The following RHBDD1 variants were observed in gnomAD, a reference collection of about 807,000 sequenced individuals.
The protein encoded by RHBDD1 is rhomboid-related protein 4.
RHBDD1 carries 38 observed loss-of-function variants against 36.3 expected under a neutral mutation model. That is an observed-to-expected ratio of 1.05 (90% confidence interval 0.81 to 1.37). The LOEUF (loss-of-function observed/expected upper bound fraction) is 1.37. Among genes scored for constraint, RHBDD1 ranks in the 40% most tolerant of loss-of-function variants. The pLI, the probability that RHBDD1 is intolerant of heterozygous loss-of-function variation, is 0.00. For missense variants in RHBDD1, 393 were observed against 377.6 expected, an observed-to-expected ratio of 1.04 and a Z score of -0.34; for synonymous variants, 151 against 136.5, an observed-to-expected ratio of 1.11 and a Z score of -0.74.
chr2:226,803,956 T>A, the RHBDD1 span: 2 of 152,172 alleles, frequency 1.3e-5, no homozygotes, highest in Non-Finnish European at 2.9e-5. Flanking sequence ...ATACTCTAGG[T>A]GATGCTGATT....
At chr2:226,818,152 ATTTTTTTTT>A in the RHBDD1 span, among the ~76,000 whole-genome samples, 7 of 86,234 alleles carry the variant, frequency 8.1e-5, no homozygotes, top group African/African-American at 3.2e-4. Flanking sequence ...TCCAAACAGT[ATTTTTTTTT>A]TTTTTTTTTT....
the RHBDD1 span, among the ~76,000 whole-genome samples, chr2:226,815,939 G>A: frequency 3.3e-5 from 5 of 152,300 alleles, no homozygotes; most frequent in South Asian, 4.2e-4. Context: ...GAAAATAACA[G>A]AATCTATTTA....
chr2:226,833,313 A>C (rs1940789617), upstream of RHBDD1, among the ~76,000 whole-genome samples: 3 of 152,226 alleles, frequency 2.0e-5, no homozygotes, highest in Admixed American at 1.3e-4. Context: ...TTCTCCCTTA[A>C]AAAGATAATC....
chr2:226,922,246 C>T (rs1321280463), intron 8 of RHBDD1, among the ~76,000 whole-genome samples: 9 of 120,146 alleles, frequency 7.5e-5, no homozygotes, highest in African/African-American at 1.9e-4. Context: ...CTCACTCTGT[C>T]GCCCAGGCTG....
At chr2:226,913,748 G>A (rs767956346) in intron 7 of RHBDD1, among the ~76,000 whole-genome samples, 2 of 152,142 alleles carry the variant, frequency 1.3e-5, no homozygotes, top group Non-Finnish European at 2.9e-5. Context: ...GGTATTGTCT[G>A]AAGTATTCTG....
chr2:226,819,760 A>C, the RHBDD1 span, among the ~76,000 whole-genome samples: 1 of 152,196 alleles, frequency 6.6e-6, no homozygotes, highest in Admixed American at 6.5e-5. Context: ...AGTTTAAAAT[A>C]TTTCACATTA....
intron 5 of RHBDD1, among the ~76,000 whole-genome samples, chr2:226,884,106 T>G (rs1411528808): frequency 6.6e-6 from 1 of 152,172 alleles, no homozygotes; most frequent in East Asian, 1.9e-4. Context: ...TCTCTGGAGA[T>G]TTCTAATGTG....
intron 8 of RHBDD1, among the ~76,000 whole-genome samples, chr2:226,918,493 G>A (rs902902500): frequency 2.0e-5 from 3 of 151,638 alleles, no homozygotes; most frequent in Admixed American, 6.6e-5. Context: ...TCTGGTAACC[G>A]TCTTTTCACT....
At chr2:226,800,503 C>T in the RHBDD1 span, among the ~76,000 whole-genome samples, 2 of 152,030 alleles carry the variant, frequency 1.3e-5, no homozygotes, top group African/African-American at 4.8e-5. Context: ...GTCTCACGTC[C>T]GGCGCTGTGG....
At chr2:226,863,812 G>T (rs185439065) in intron 3 of RHBDD1, among the ~76,000 whole-genome samples, 1 of 152,218 alleles carries the variant, frequency 6.6e-6, no homozygotes, top group African/African-American at 2.4e-5. Flanking sequence ...CCCAGGTCCA[G>T]CGGGGTGGAG....
chr2:226,860,788 C>T (rs757904816), intron 3 of RHBDD1, among the ~76,000 whole-genome samples: 6 of 152,300 alleles, frequency 3.9e-5, no homozygotes, highest in Admixed American at 1.3e-4. Context: ...GCCCAAAAGA[C>T]GGGCACTTCT....
rs1322246709 is a variant in RHBDD1 at position 226,937,225 on chromosome 2, T to A, written c.856+22874T>A. ...GGAAAAGATACATCAGACAGTACTT[T>A]ACAATAGCAATCAATCTTATGTTCT... is the stretch of plus-strand genomic sequence containing the variant. On this transcript the variant is annotated intron_variant, in intron 8 of 8. Transcript: ENST00000392062. Among the ~76,000 whole-genome samples, 3 of 152,146 alleles carry A rather than the reference T, an allele frequency of 2.0e-5. No homozygotes were observed. In the East Asian group the frequency reaches 5.8e-4, roughly 29 times the overall value.
intron 8 of RHBDD1, among the ~76,000 whole-genome samples, chr2:226,927,449 GA>G (rs1949740025): frequency 6.6e-6 from 1 of 151,934 alleles, no homozygotes; most frequent in African/African-American, 2.4e-5. Context: ...TTACGTACCG[GA>G]ATTTGTGTAA....
At chr2:226,803,643 C>A in the RHBDD1 span, among the ~76,000 whole-genome samples, 1 of 152,222 alleles carries the variant, frequency 6.6e-6, no homozygotes, top group East Asian at 1.9e-4. Context: ...AGGCACAGGG[C>A]AAATGAGATC....
At chr2:226,862,852 T>A (rs1943980434) in intron 3 of RHBDD1, among the ~76,000 whole-genome samples, 1 of 152,210 alleles carries the variant, frequency 6.6e-6, no homozygotes, top group Non-Finnish European at 1.5e-5. Flanking sequence ...AGCTAGCATG[T>A]GCAGAGATCA....
At chr2:226,922,983 T>C (rs988298590) in intron 8 of RHBDD1, among the ~76,000 whole-genome samples, 31 of 152,234 alleles carry the variant, frequency 2.0e-4, no homozygotes, top group African/African-American at 7.0e-4. Flanking sequence ...TGTTTACGTT[T>C]GAAAAATTGT....
intron 5 of RHBDD1, 61 bp from the exon 6 acceptor site, chr2:226,906,732 G>C: frequency 6.2e-7 from 1 of 1,613,314 alleles, no homozygotes; most frequent in Non-Finnish European, 8.5e-7. Context: ...CTAATGAGAA[G>C]ACAGAATGTC....
intron 8 of RHBDD1, among the ~76,000 whole-genome samples, chr2:226,980,356 C>A (rs142358777): frequency 6.6e-6 from 1 of 152,096 alleles, no homozygotes; most frequent in Admixed American, 6.5e-5. Context: ...TGTAAGACAC[C>A]GGTATCCACT....
At chr2:226,805,139 T>C in the RHBDD1 span, 1 of 152,264 alleles carries the variant, frequency 6.6e-6, no homozygotes, top group African/African-American at 2.4e-5. Context: ...CAATTTGTTA[T>C]CTTAGACAAT....
Sources: allele counts gnomAD v4.1 joint callset (sites outside exome capture counted in the v4.1 genomes callset), GRCh38; gene constraint gnomAD v4.1.1; transcripts MANE v1.5; gene names NCBI Gene and HGNC (gene_info 2026-07-23, HGNC 2026-07-21).